POLDIP2: variants seen among roughly 807,000 people sequenced by gnomAD.
POLDIP2 encodes the protein polymerase delta-interacting protein 2.
POLDIP2 carries 32 observed loss-of-function variants against 52.9 expected under a neutral mutation model. The ratio of observed to expected loss-of-function variants is 0.61; its 90% CI spans 0.46 to 0.81. The LOEUF is 0.81. Ranked by LOEUF, POLDIP2 falls within the 40% of genes least tolerant of loss-of-function variation. POLDIP2 has a pLI of 0.00. For synonymous variants in POLDIP2, 183 were observed against 183.0 expected (o/e 1.00, Z 0.00); for missense variants, 371 against 477.3 (o/e 0.78, Z 2.07).
At position 28,357,372 on chromosome 17, in the gene POLDIP2, C is replaced by T; in HGVS notation, c.77G>A (p.Trp26Ter). 1 of 1,548,482 alleles carries T rather than the reference C, an allele frequency of 6.5e-7. No homozygotes were observed. The highest frequency in any genetic ancestry group is 8.6e-7 in the Non-Finnish European group (1 of 1,158,766). Residue 26 changes from tryptophan (W) to a stop codon, truncating the protein, a stop_gained, in exon 1 of 11, where the codon TGG becomes TAG. Coordinates refer to ENST00000540200, the MANE Select transcript of POLDIP2 (RefSeq NM_015584.5). LOFTEE classifies it high-confidence loss of function. The part of the protein sequence containing the change: ...WWSRSLTGAR[W>*]PRPLCAAAGA... The stretch of plus-strand genomic sequence containing the variant: ...GGCCGCCGCACAGAGCGGCCTTGGC[C>T]ACCGGGCCCCAGTCAGCGACCGGGA...
chr17:28,349,015 C>A, intron 10 of POLDIP2, 68 bp downstream of exon 10: 3 of 1,118,976 alleles, frequency 2.7e-6, no homozygotes, highest in East Asian at 2.5e-5. Flanking sequence ...TCTAAGCTCT[C>A]ACTTTTCTGA....
At chr17:28,350,395 G>A in intron 9 of POLDIP2, 43 bp downstream of exon 9, 1 of 1,562,328 alleles carries the variant, frequency 6.4e-7, no homozygotes, top group Admixed American at 1.9e-5. Flanking sequence ...AAGCCCCCAG[G>A]CTTGCCACAC....
Position 28,357,393 on chromosome 17 carries a change from C to T in POLDIP2, c.56G>A (p.Arg19Gln). The T allele has an allele frequency of 2.6e-6, 4 of 1,528,496 alleles. No individual in the cohort carries two copies. Among genetic ancestry groups the T allele is most frequent in the Non-Finnish European group, 3.5e-6 (4 of 1,148,342 alleles). 94.7% of individuals were successfully genotyped at this position (1,528,496 alleles called of 1,614,324 possible). A position where few individuals can be genotyped will look rare whatever the true frequency, so the allele number is the denominator to read the frequency against. Residue 19 changes from arginine to glutamine, a missense_variant, in exon 1 of 11, where the codon CGG (arginine) becomes CAG (glutamine). Transcript: ENST00000540200. ...ALAVGSRWWS[R>Q]SLTGARWPRP... ...TGGCCACCGGGCCCCAGTCAGCGAC[C>T]GGGACCACCAGCGGCTGCCCACGGC... is the stretch of plus-strand genomic sequence containing the variant.
chr17:28,352,810 A>T lies in POLDIP2; in HGVS notation c.622+102T>A. On this transcript the variant is annotated intron_variant, in intron 6 of 10. Transcript: ENST00000540200. ...TGCCTGGGCCTCCCAAAGTGCTGGG[A>T]TTACAGGCGTGAGCCACCGTGCCCG... 13 of 712,524 alleles carry T rather than the reference A, an allele frequency of 1.8e-5. No individual in the cohort carries two copies. The South Asian group carries it at 2.3e-4, about 13-fold the overall frequency. The allele number at this position is 712,524 out of a possible 1,614,324, so 44.1% of individuals were successfully genotyped here.
Position 28,354,538 on chromosome 17 carries a change from G to C in POLDIP2, c.291C>G (p.Pro97=). 1.3e-6 allele frequency: 2 copies of C among 1,563,182 alleles called. No homozygotes were observed. The highest frequency in any genetic ancestry group is 1.7e-6 in the Non-Finnish European group (2 of 1,153,684). The change falls in exon 3 of 11, where the codon CCC becomes CCG. Residue 97 remains proline, a synonymous_variant. Transcript: ENST00000540200. ...CCCGGTCATACAGTCTGGCCTGCCA[G>C]GGAAACAGGACGACACCTCGGTAGC... ...IFGYRGVVLF[P]WQARLYDRDV... is the part of the protein sequence containing the mutation.
At chr17:28,353,904 T>A in intron 3 of POLDIP2, 113 bp from the exon 4 acceptor site, 5 of 730,294 alleles carry the variant, frequency 6.8e-6, no homozygotes, top group Non-Finnish European at 1.2e-5. Context: ...CTAAAGGGGC[T>A]TTAGCACCAG....
intron 3 of POLDIP2, among the ~76,000 whole-genome samples, chr17:28,354,078 C>A (rs1211781503): frequency 6.6e-6 from 1 of 152,138 alleles, no homozygotes; most frequent in Admixed American, 6.5e-5. Context: ...GTCCCCAGGG[C>A]CCAGAGTACT....
At position 28,347,126 on chromosome 17, in the gene POLDIP2, T is replaced by C. The variant is rs781813756; in HGVS notation, c.*991A>G. 1.7e-5 allele frequency: 2 copies of C among 120,448 alleles called. No individual in the cohort carries two copies. Among genetic ancestry groups the C allele is most frequent in the Non-Finnish European group, 3.5e-5 (2 of 57,576 alleles). 7.5% of individuals were successfully genotyped at this position (120,448 alleles called of 1,614,324 possible). A position where few individuals can be genotyped will look rare whatever the true frequency, so the allele number is the denominator to read the frequency against. ...GTTCTAGCCAGGTCGTAAGCGCGAC[T>C]GTACTGTTGCCCTGCAACCCCAGCT... On this transcript the variant is annotated 3_prime_UTR_variant, in exon 11 of 11. Coordinates refer to ENST00000540200, the MANE Select transcript of POLDIP2 (RefSeq NM_015584.5).
intron 6 of POLDIP2, 57 bp from the exon 7 acceptor site, chr17:28,351,857 A>G: frequency 6.6e-7 from 1 of 1,514,128 alleles, no homozygotes; most frequent in Non-Finnish European, 9.2e-7. Context: ...AATTGTATCT[A>G]GTCCAATCAC....
chr17:28,347,120 C>G lies in POLDIP2; in HGVS notation c.*997G>C, dbSNP rs1393220227. 7.4e-6 allele frequency: 1 copy of G among 134,460 alleles called. No individual in the cohort carries two copies. Among genetic ancestry groups the G allele is most frequent in the South Asian group, 2.6e-4 (1 of 3,898 alleles). The allele number at this position is 134,460 out of a possible 1,614,324, so 8.3% of individuals were successfully genotyped here. On this transcript the variant is annotated 3_prime_UTR_variant, in exon 11 of 11. Coordinates refer to ENST00000540200, the MANE Select transcript of POLDIP2 (RefSeq NM_015584.5). The stretch of plus-strand genomic sequence containing the variant: ...CCTTGTGTTCTAGCCAGGTCGTAAG[C>G]GCGACTGTACTGTTGCCCTGCAACC...
intron 9 of POLDIP2, among the ~76,000 whole-genome samples, 197 bp downstream of exon 9, chr17:28,350,241 C>T (rs759318685): frequency 6.6e-6 from 1 of 152,256 alleles, no homozygotes; most frequent in Non-Finnish European, 1.5e-5. Context: ...TTTAACTTCT[C>T]AGTCTCACTC....
chr17:28,349,459 C>CA lies in POLDIP2; in HGVS notation c.913-298dup, dbSNP rs11357551. Among the ~76,000 whole-genome samples, 553 of 73,322 alleles carry CA rather than the reference C, an allele frequency of 7.5e-3. 5 individuals are homozygous for CA. Among genetic ancestry groups the CA allele is most frequent in the Non-Finnish European group, 9.0e-3 (342 of 38,036 alleles). 48.1% of individuals were successfully genotyped at this position (73,322 alleles called of 152,430 possible). A position where few individuals can be genotyped will look rare whatever the true frequency, so the allele number is the denominator to read the frequency against. On this transcript the variant is annotated intron_variant, in intron 9 of 10. Transcript: ENST00000540200. ...GGAACACAGTGAGACCCCATCTCCA[C>CA]AAAAAAAAAAAAAAAAAAAAAAAAA...
Position 28,350,740 on chromosome 17 carries a change from C to A in POLDIP2, c.786+26G>T, listed in dbSNP as rs1907766174. ...ACCCCCAGGCACACCCCACAAGCTC[C>A]CCTTCTCCCAGACAGTGACACTCAC... On this transcript the variant is annotated intron_variant, in intron 8 of 10. Coordinates refer to ENST00000540200, the MANE Select transcript of POLDIP2 (RefSeq NM_015584.5). 3 of 1,596,054 alleles carry A rather than the reference C, an allele frequency of 1.9e-6. No individual in the cohort carries two copies. In the African/African-American group the frequency reaches 4.0e-5, roughly 22 times the overall value.
At chr17:28,355,006 C>A (rs149205705) in intron 2 of POLDIP2, among the ~76,000 whole-genome samples, 136 of 152,286 alleles carry the variant, frequency 8.9e-4, no homozygotes, top group Non-Finnish European at 1.7e-3. Context: ...GTCTTCCTTA[C>A]CTACAATATC....
Position 28,350,427 on chromosome 17 carries a change from A to G in POLDIP2, c.912+11T>C. On this transcript the variant is annotated intron_variant, in intron 9 of 10. Transcript: ENST00000540200. ...ACACAGGACCAGAATTACTAGACCA[A>G]GGATGCTCACCCTGCCCACTACCCC... 2 of 1,602,462 alleles carry G rather than the reference A, an allele frequency of 1.2e-6. No individual in the cohort carries two copies. The highest frequency in any genetic ancestry group is 1.7e-6 in the Non-Finnish European group (2 of 1,175,310).
chr17:28,355,791 T>C lies in POLDIP2; in HGVS notation c.243+4A>G, dbSNP rs531331041. 2.5e-6 allele frequency: 4 copies of C among 1,608,362 alleles called. No homozygotes were observed. The highest frequency in any genetic ancestry group is 8.5e-7 in the Non-Finnish European group (1 of 1,176,534). ...AATGAAAGATGACCCAGCCCAATAC[T>C]CACCTGCCCGGTCTCATATTTTCCA... On this transcript the variant is annotated splice_donor_region_variant and intron_variant, in intron 2 of 10. Transcript: ENST00000540200.
At chr17:28,350,234 A>C (rs1366092299) in intron 9 of POLDIP2, among the ~76,000 whole-genome samples, 2 of 152,218 alleles carry the variant, frequency 1.3e-5, no homozygotes, top group African/African-American at 4.8e-5. Context: ...CTGGTTATTT[A>C]ACTTCTCAGT....
chr17:28,350,794 T>C lies in POLDIP2; in HGVS notation c.760-2A>G. The stretch of plus-strand genomic sequence containing the variant: ...GTACACGTGGGAATTCTGGGCTTCC[T>C]AGGGAGAAAACAAAAAGAATTTAAG... On this transcript the variant is annotated splice_acceptor_variant, in intron 7 of 10. Coordinates refer to ENST00000540200, the MANE Select transcript of POLDIP2 (RefSeq NM_015584.5). LOFTEE classifies it high-confidence loss of function. The C allele has an allele frequency of 6.3e-7, 1 of 1,585,790 alleles. No homozygotes were observed. Among genetic ancestry groups the C allele is most frequent in the East Asian group, 2.3e-5 (1 of 43,416 alleles).
At position 28,348,062 on chromosome 17, in the gene POLDIP2, G is replaced by A; in HGVS notation, c.*55C>T. On this transcript the variant is annotated 3_prime_UTR_variant, in exon 11 of 11. Transcript: ENST00000540200. ...GAGAAGAGTTCTGCAGCAATTGTGG[G>A]ATGAGAGTTGTTCTTCCCGGTGACC... is the stretch of plus-strand genomic sequence containing the variant. The A allele has an allele frequency of 7.2e-6, 7 of 978,582 alleles. No homozygotes were observed. The highest frequency in any genetic ancestry group is 2.6e-5 in the South Asian group (2 of 77,054). The allele number at this position is 978,582 out of a possible 1,614,324, so 60.6% of individuals were successfully genotyped here.
Sources: allele counts gnomAD v4.1 joint callset (sites outside exome capture counted in the v4.1 genomes callset), GRCh38; gene constraint gnomAD v4.1.1; transcripts MANE v1.5; gene names NCBI Gene and HGNC (gene_info 2026-07-23, HGNC 2026-07-21).